SMC1B: variants seen among roughly 807,000 people sequenced by gnomAD.
The protein encoded by SMC1B is structural maintenance of chromosomes protein 1B.
A neutral mutation model predicts 157.9 loss-of-function variants in SMC1B; 60 were observed. That is an observed-to-expected ratio of 0.38 (90% CI 0.31 to 0.47). The LOEUF is 0.47. Among genes scored for constraint, SMC1B ranks in the 20% least tolerant of loss-of-function variants. The probability of loss-of-function intolerance (pLI) is 0.99; values close to 1 mark genes in which losing one functional copy is unlikely to be tolerated. For missense variants in SMC1B, 1,165 were observed against 1,426.2 expected (o/e 0.82, Z 2.95); for synonymous variants, 445 against 483.0 (o/e 0.92, Z 1.03).
At position 45,369,841 on chromosome 22, in the gene SMC1B, G is replaced by C. The variant is rs557192008; in HGVS notation, c.2420+113C>G. 4.3e-6 allele frequency: 3 copies of C among 691,274 alleles called. No individual in the cohort carries two copies. In the South Asian group the frequency reaches 5.6e-5, roughly 13 times the overall value. The allele number at this position is 691,274 out of a possible 1,614,324, so 42.8% of individuals were successfully genotyped here. Reference sequence around the variant, plus strand: ...TTACAAGCGTAAGCCACCGTGCCCGGCCTAGCTGTTTCTTGATGAAATGAA... The same window carrying C: ...TTACAAGCGTAAGCCACCGTGCCCGCCCTAGCTGTTTCTTGATGAAATGAA... On this transcript the variant is annotated intron_variant, in intron 15 of 24. Transcript: ENST00000357450.
intron 19 of SMC1B, among the ~76,000 whole-genome samples, chr22:45,358,409 T>C (rs1170447817): frequency 6.6e-6 from 1 of 152,172 alleles, no homozygotes; most frequent in Admixed American, 6.5e-5. Flanking sequence ...AGCCATTACT[T>C]TGTGGGATCT....
intron 20 of SMC1B, 51 bp from the exon 21 acceptor site, chr22:45,354,183 T>C (rs759205983): frequency 1.5e-6 from 2 of 1,363,090 alleles, no homozygotes; most frequent in East Asian, 2.7e-5. Flanking sequence ...GGAGGTTCTT[T>C]TACTTAAACT....
chr22:45,393,555 C>A, intron 9 of SMC1B, 79 bp downstream of exon 9: 1 of 1,046,036 alleles, frequency 9.6e-7, no homozygotes, highest in South Asian at 1.6e-5. Context: ...TATTTCTAAT[C>A]CCAAATGAGA....
intron 18 of SMC1B, among the ~76,000 whole-genome samples, chr22:45,359,346 C>T (rs2086699202): frequency 6.6e-6 from 1 of 152,134 alleles, no homozygotes; most frequent in Non-Finnish European, 1.5e-5. Flanking sequence ...TGTTAGTGAG[C>T]CTTGGTTTTA....
At chr22:45,384,732 A>G (rs2086973282) in intron 11 of SMC1B, among the ~76,000 whole-genome samples, 1 of 151,688 alleles carries the variant, frequency 6.6e-6, no homozygotes, top group African/African-American at 2.4e-5. Context: ...AAAAAAAAAA[A>G]GAAAAGAAAA....
At chr22:45,392,037 C>T (rs2087064803) in intron 9 of SMC1B, among the ~76,000 whole-genome samples, 1 of 152,138 alleles carries the variant, frequency 6.6e-6, no homozygotes, top group African/African-American at 2.4e-5. Flanking sequence ...ACCTCTGCCT[C>T]CCGGGTTCAA....
rs1475236106 is a variant in SMC1B at position 45,361,757 on chromosome 22, A to G, written c.2708+82T>C. 3.0e-6 allele frequency: 4 copies of G among 1,330,036 alleles called. No homozygotes were observed. The African/African-American group carries it at 5.8e-5, about 19-fold the overall frequency. The allele number at this position is 1,330,036 out of a possible 1,614,324, so 82.4% of individuals were successfully genotyped here. On this transcript the variant is annotated intron_variant, in intron 17 of 24. Transcript: ENST00000357450. The stretch of plus-strand genomic sequence containing the variant: ...AACAAAGGGCACATATTCAAATGCA[A>G]CTCATTTCATACATTTCAGATAGTT...
In SMC1B at chr22:45,394,777, GAAATA is replaced by G. The variant is rs758378783; in HGVS notation, c.1255-15_1255-11del. 6.6e-7 allele frequency: 1 copy of G among 1,512,706 alleles called. No individual in the cohort carries two copies. Among genetic ancestry groups the G allele is most frequent in the South Asian group, 1.2e-5 (1 of 80,020 alleles). The allele number at this position is 1,512,706 out of a possible 1,614,324, so 93.7% of individuals were successfully genotyped here. On this transcript the variant is annotated splice_polypyrimidine_tract_variant and intron_variant, in intron 7 of 24. Transcript: ENST00000357450. Reference sequence around the variant, plus strand: ...TTTGTTTTAGATTTCCCTAAAAGAGGAAATAAAATCTAAAATCAATTACGGCAATT... The same window carrying G: ...TTTGTTTTAGATTTCCCTAAAAGAGGAAATCTAAAATCAATTACGGCAATT...
At chr22:45,370,561 GAGAA>G (rs2086821496) in intron 14 of SMC1B, among the ~76,000 whole-genome samples, 1 of 152,172 alleles carries the variant, frequency 6.6e-6, no homozygotes, top group South Asian at 2.1e-4. Flanking sequence ...ATTATAGGAT[GAGAA>G]AGAACTATTT....
At position 45,344,488 on chromosome 22, in the gene SMC1B, G is replaced by A; in HGVS notation, c.*68C>T. 1 of 1,150,492 alleles carries A rather than the reference G, an allele frequency of 8.7e-7. No individual in the cohort carries two copies. Among genetic ancestry groups the A allele is most frequent in the South Asian group, 1.3e-5 (1 of 79,396 alleles). 71.3% of individuals were successfully genotyped at this position (1,150,492 alleles called of 1,614,324 possible). ...GTCCTGCTTGCTCCAGAAGTCTCCT[G>A]TGGAGGAGCTGTGTGAGTATTAGAG... On this transcript the variant is annotated 3_prime_UTR_variant, in exon 25 of 25. Transcript: ENST00000357450.
At chr22:45,352,222 A>C (rs1156857751) in intron 22 of SMC1B, among the ~76,000 whole-genome samples, 1 of 62,614 alleles carries the variant, frequency 1.6e-5, no homozygotes. Context: ...TCTGTCTCCA[A>C]AAAAAAAAAA....
chr22:45,383,317 G>C (rs1296699062), intron 12 of SMC1B, 150 bp downstream of exon 12: 7 of 532,500 alleles, frequency 1.3e-5, no homozygotes, highest in Non-Finnish European at 1.8e-5. Flanking sequence ...AGAGAGTAAG[G>C]GAAAGATTTT....
At chr22:45,371,837 A>AC (rs1472843377) in intron 13 of SMC1B, among the ~76,000 whole-genome samples, 3 of 152,136 alleles carry the variant, frequency 2.0e-5, no homozygotes, top group African/African-American at 7.2e-5. Context: ...TGGGCATATC[A>AC]CCTGAAGTCA....
intron 17 of SMC1B, among the ~76,000 whole-genome samples, chr22:45,360,711 G>C (rs557598194): frequency 2.0e-5 from 3 of 152,126 alleles, no homozygotes; most frequent in Admixed American, 6.5e-5. Context: ...AAGAGTAAAC[G>C]GACTTTAATT....
intron 19 of SMC1B, 69 bp from the exon 20 acceptor site, chr22:45,355,184 G>C: frequency 6.6e-7 from 1 of 1,522,696 alleles, no homozygotes. Flanking sequence ...TAGGGTGCGT[G>C]TGTGGGGCAC....
intron 3 of SMC1B, 45 bp from the exon 4 acceptor site, chr22:45,406,708 G>A (rs1316545964): frequency 2.5e-6 from 4 of 1,581,130 alleles, no homozygotes; most frequent in East Asian, 2.2e-5. Context: ...ATATAGTGAT[G>A]TATTTTCAAA....
chr22:45,362,584 T>G (rs1465666829), intron 16 of SMC1B, among the ~76,000 whole-genome samples: 1 of 152,208 alleles, frequency 6.6e-6, no homozygotes, highest in Non-Finnish European at 1.5e-5. Context: ...AATTGCCATC[T>G]AGACATCACA....
intron 15 of SMC1B, among the ~76,000 whole-genome samples, chr22:45,365,181 T>C (rs2086763568): frequency 6.6e-6 from 1 of 152,118 alleles, no homozygotes; most frequent in Admixed American, 6.5e-5. Context: ...TTGTTGCTCT[T>C]GTGTAGTTAC....
At chr22:45,357,410 A>AG (rs2086680345) in intron 19 of SMC1B, among the ~76,000 whole-genome samples, 1 of 152,254 alleles carries the variant, frequency 6.6e-6, no homozygotes, top group African/African-American at 2.4e-5. Context: ...GCAGCTGTGA[A>AG]GGGTGTGCCA....
Sources: gnomAD v4.1 joint callset for allele counts (sites outside exome capture counted in the v4.1 genomes callset) on GRCh38, gnomAD v4.1.1 for gene constraint, MANE v1.5 for transcripts, NCBI Gene and HGNC (gene_info 2026-07-23, HGNC 2026-07-21) for gene names.